ERC2: variants seen among roughly 807,000 people sequenced by gnomAD.
ERC2 encodes the protein ERC protein 2.
A neutral mutation model predicts 114.8 loss-of-function variants in ERC2; 42 were observed. That is an observed-to-expected ratio of 0.37 (90% CI 0.29 to 0.47). The LOEUF is 0.47. ERC2 is among the 20% of genes least tolerant of loss of function. The pLI is 0.99. For missense variants in ERC2, 939 were observed against 1,150.7 expected (o/e 0.82, Z 2.66); for synonymous variants, 454 against 425.5 (o/e 1.07, Z -0.82).
At chr3:55,736,776 C>G (rs2065661895) in intron 14 of ERC2, among the ~76,000 whole-genome samples, 1 of 152,192 alleles carries the variant, frequency 6.6e-6, no homozygotes, top group Admixed American at 6.5e-5. Flanking sequence ...GCTTAACCTA[C>G]AGTCATCGCT....
chr3:56,013,158 T>G (rs2073070373), intron 8 of ERC2, among the ~76,000 whole-genome samples: 1 of 152,198 alleles, frequency 6.6e-6, no homozygotes, highest in African/African-American at 2.4e-5. Flanking sequence ...GGCATTATTC[T>G]TTGCACTCTG....
chr3:56,017,364 A>G (rs1345728812), intron 8 of ERC2, among the ~76,000 whole-genome samples: 1 of 152,176 alleles, frequency 6.6e-6, no homozygotes, highest in African/African-American at 2.4e-5. Flanking sequence ...CATCAGAATG[A>G]GCTGTTTGCC....
intron 3 of ERC2, among the ~76,000 whole-genome samples, chr3:56,274,096 C>T (rs1334452751): frequency 6.6e-6 from 1 of 152,184 alleles, no homozygotes; most frequent in Non-Finnish European, 1.5e-5. Flanking sequence ...AGGAATTAGA[C>T]CACATGGCAG....
At chr3:55,723,388 C>A (rs553077072) in intron 15 of ERC2, among the ~76,000 whole-genome samples, 2 of 152,042 alleles carry the variant, frequency 1.3e-5, no homozygotes, top group East Asian at 1.9e-4. Flanking sequence ...AGATGTATCT[C>A]TATGCTTTCA....
intron 14 of ERC2, among the ~76,000 whole-genome samples, chr3:55,786,801 G>T (rs1411084322): frequency 6.6e-6 from 1 of 152,160 alleles, no homozygotes; most frequent in Admixed American, 6.5e-5. Flanking sequence ...AGGATGAGTT[G>T]AGTGAGCTCT....
At chr3:55,741,556 C>T (rs963350489) in intron 14 of ERC2, among the ~76,000 whole-genome samples, 1 of 152,102 alleles carries the variant, frequency 6.6e-6, no homozygotes, top group Non-Finnish European at 1.5e-5. Flanking sequence ...GTTCCATAAG[C>T]CTGAAATCAT....
intron 10 of ERC2, chr3:56,003,101 G>C (rs2072203008): frequency 1.6e-6 from 2 of 1,289,168 alleles, no homozygotes; most frequent in African/African-American, 3.0e-5. Context: ...TGACTTACTG[G>C]GTTGTACATC....
chr3:56,018,969 T>C lies in ERC2; in HGVS notation c.1704A>G (p.Arg568=). The change falls in exon 8 of 18, where the codon AGA becomes AGG. Residue 568 remains arginine, a synonymous_variant. Coordinates refer to ENST00000288221, the MANE Select transcript of ERC2 (RefSeq NM_015576.3). ...KDKQLTNLKD[R]VKSLQTDSSN... is the part of the protein sequence containing the mutation. The stretch of plus-strand genomic sequence containing the variant: ...TGGAATCCGTCTGCAAGGACTTCAC[T>C]CTGTCTTTCAGGTTGGTCAGTTGCT... 6.2e-7 allele frequency: 1 copy of C among 1,613,226 alleles called. No individual in the cohort carries two copies. The highest frequency in any genetic ancestry group is 1.1e-5 in the South Asian group (1 of 91,040).
intron 17 of ERC2, among the ~76,000 whole-genome samples, chr3:55,617,284 C>G (rs1282783115): frequency 6.6e-6 from 1 of 152,228 alleles, no homozygotes; most frequent in Non-Finnish European, 1.5e-5. Context: ...CTAACAATTA[C>G]AGAAGGAATG....
intron 2 of ERC2, among the ~76,000 whole-genome samples, chr3:56,366,535 CTG>C (rs1473407240): frequency 1.3e-5 from 2 of 152,210 alleles, no homozygotes; most frequent in Non-Finnish European, 2.9e-5. Flanking sequence ...TAAGTTAGCA[CTG>C]TGTCTGATTC....
At chr3:56,161,505 A>G (rs568715375) in intron 4 of ERC2, among the ~76,000 whole-genome samples, 1 of 152,316 alleles carries the variant, frequency 6.6e-6, no homozygotes, top group African/African-American at 2.4e-5. Flanking sequence ...GGCCATTTTA[A>G]TAATGATTTG....
intron 13 of ERC2, among the ~76,000 whole-genome samples, chr3:55,943,404 T>C (rs773468387): frequency 2.0e-5 from 3 of 152,022 alleles, no homozygotes; most frequent in Non-Finnish European, 4.4e-5. Flanking sequence ...AGGTCTCCCT[T>C]CCCAGTGGCT....
chr3:56,452,851 A>C (rs2062881514), intron 1 of ERC2, among the ~76,000 whole-genome samples: 1 of 152,244 alleles, frequency 6.6e-6, no homozygotes. Flanking sequence ...CAGAGAAGGC[A>C]GAAGTACTTA....
chr3:55,679,182 C>T (rs1342822468), intron 17 of ERC2, among the ~76,000 whole-genome samples: 1 of 152,206 alleles, frequency 6.6e-6, no homozygotes, highest in African/African-American at 2.4e-5. Context: ...TCCTTCTTCT[C>T]CATCCTCATC....
At chr3:55,607,492 G>T (rs141254889) in intron 17 of ERC2, among the ~76,000 whole-genome samples, 2 of 152,228 alleles carry the variant, frequency 1.3e-5, no homozygotes, top group East Asian at 3.9e-4. Flanking sequence ...AGAGCACCCA[G>T]ATTTGGAGTC....
At chr3:55,803,199 A>G (rs1411487248) in intron 14 of ERC2, among the ~76,000 whole-genome samples, 1 of 152,196 alleles carries the variant, frequency 6.6e-6, no homozygotes, top group Non-Finnish European at 1.5e-5. Context: ...TTAACTTCCT[A>G]CTATTCTAAA....
At chr3:56,116,926 A>T (rs1302785571) in intron 6 of ERC2, among the ~76,000 whole-genome samples, 1 of 152,200 alleles carries the variant, frequency 6.6e-6, no homozygotes, top group East Asian at 1.9e-4. Context: ...TTTGGCAGGC[A>T]TTATGCTAAA....
chr3:56,440,558 A>T (rs1255668782), intron 1 of ERC2, among the ~76,000 whole-genome samples: 22 of 151,880 alleles, frequency 1.4e-4, no homozygotes, highest in Admixed American at 1.4e-3. Flanking sequence ...AAAAAAAAAA[A>T]AAAAAAAGAA....
chr3:55,967,314 AC>A (rs1160361439), intron 12 of ERC2, among the ~76,000 whole-genome samples: 2 of 152,198 alleles, frequency 1.3e-5, no homozygotes. Flanking sequence ...AAAAACACCA[AC>A]ACTAATTAGA....
Sources: gnomAD v4.1 joint callset for allele counts (sites outside exome capture counted in the v4.1 genomes callset) on GRCh38, gnomAD v4.1.1 for gene constraint, MANE v1.5 for transcripts, NCBI Gene and HGNC (gene_info 2026-07-23, HGNC 2026-07-21) for gene names.